The following PTRH2 variants were observed in gnomAD, a reference collection of about 807,000 sequenced individuals.
The protein encoded by PTRH2 is peptidyl-tRNA hydrolase 2, also known as peptidyl-tRNA hydrolase 2, mitochondrial.
In PTRH2, 10 loss-of-function variants were observed where a neutral mutation model predicts 12.3. That is an observed-to-expected ratio of 0.81 (90% confidence interval 0.50 to 1.38). PTRH2 has a LOEUF of 1.38. PTRH2 is among the 40% of genes most tolerant of loss of function. PTRH2 has a pLI of 0.00. For missense variants in PTRH2, 176 were observed against 214.1 expected (o/e 0.82, Z 1.11); for synonymous variants, 73 against 77.4 (o/e 0.94, Z 0.30).
At chr17:59,704,788 G>T (rs34163587) in intron 1 of PTRH2, among the ~76,000 whole-genome samples, 119 of 151,988 alleles carry the variant, frequency 7.8e-4, no homozygotes, top group Non-Finnish European at 1.2e-3. Context: ...CAAAGACAGA[G>T]AATTCTTTTT....
At chr17:59,707,266 G>A (rs1467054954) in intron 1 of PTRH2, 105 bp downstream of exon 1, 1 of 152,652 alleles carries the variant, frequency 6.6e-6, no homozygotes, top group Non-Finnish European at 1.5e-5. Context: ...AGGAGAAAAT[G>A]AAGAAGGTGG....
chr17:59,699,897 AT>A (rs1482605956), intron 1 of PTRH2: 1 of 152,544 alleles, frequency 6.6e-6, no homozygotes, highest in Non-Finnish European at 1.5e-5. Flanking sequence ...TTTTGTAGAC[AT>A]GATGGAATGT....
chr17:59,701,482 T>C (rs1334227058), intron 1 of PTRH2: 2 of 152,190 alleles, frequency 1.3e-5, no homozygotes, highest in Non-Finnish European at 2.9e-5. Context: ...GAAATAGAAG[T>C]GTGACTACTT....
At position 59,704,269 on chromosome 17, in the gene PTRH2, G is replaced by C. The variant is rs532277324; in HGVS notation, c.-1+3102C>G. On this transcript the variant is annotated intron_variant, in intron 1 of 1. Coordinates refer to ENST00000393038, the MANE Select transcript of PTRH2 (RefSeq NM_016077.5). ...AGGAAGTCTGGTGGCAAAAGAAAGG[G>C]AGAAGTTAATAATGACAGCTAGATT... is the stretch of plus-strand genomic sequence containing the variant. 7.9e-5 allele frequency among the ~76,000 whole-genome samples: 12 copies of C among 152,324 alleles called. No individual in the cohort carries two copies. In the East Asian group the frequency reaches 2.3e-3, roughly 29 times the overall value.
chr17:59,697,348 A>C lies in PTRH2; in HGVS notation c.*91T>G. On this transcript the variant is annotated 3_prime_UTR_variant, in exon 2 of 2. Coordinates refer to ENST00000393038, the MANE Select transcript of PTRH2 (RefSeq NM_016077.5). ...TTTTATTTTCATCTCAAGAACATTT[A>C]AGTTGGGTGAAGAAATTCAGCTTTT... 1 of 1,386,178 alleles carries C rather than the reference A, an allele frequency of 7.2e-7. No homozygotes were observed. The highest frequency in any genetic ancestry group is 1.4e-5 in the South Asian group (1 of 70,994). The allele number at this position is 1,386,178 out of a possible 1,614,324, so 85.9% of individuals were successfully genotyped here.
chr17:59,705,856 C>A (rs2033638429), intron 1 of PTRH2, among the ~76,000 whole-genome samples: 1 of 151,514 alleles, frequency 6.6e-6, no homozygotes, highest in Non-Finnish European at 1.5e-5. Flanking sequence ...TTGCAGTGAG[C>A]CATGATCGTG....
At chr17:59,707,121 C>T (rs1243319598) in intron 1 of PTRH2, 1 of 152,198 alleles carries the variant, frequency 6.6e-6, no homozygotes, top group Non-Finnish European at 1.5e-5. Context: ...TCGATACTGC[C>T]TGCCTGGAGG....
At chr17:59,704,970 T>G (rs566335272) in intron 1 of PTRH2, among the ~76,000 whole-genome samples, 1 of 152,238 alleles carries the variant, frequency 6.6e-6, no homozygotes, top group East Asian at 1.9e-4. Context: ...GTATTTTTAG[T>G]AGAGACGGGG....
rs952593557 is a variant in PTRH2 at position 59,697,671 on chromosome 17, T to G, written c.308A>C (p.Glu103Ala). 3.1e-6 allele frequency: 5 copies of G among 1,614,110 alleles called. No individual in the cohort carries two copies. Among genetic ancestry groups the G allele is most frequent in the Non-Finnish European group, 4.2e-6 (5 of 1,180,052 alleles). Reference protein sequence around the residue: ...AYKQIQRRNPEMLKQWEYCGQ... With the variant: ...AYKQIQRRNPAMLKQWEYCGQ... ...ACAGTATTCCCATTGTTTGAGCATTTCAGGATTTCTTCTTTGAATCTGCTT... is the reference window on the plus strand; with the variant it reads ...ACAGTATTCCCATTGTTTGAGCATTGCAGGATTTCTTCTTTGAATCTGCTT... Residue 103 changes from glutamate to alanine, a missense_variant, in exon 2 of 2, where the codon GAA (glutamate) becomes GCA (alanine). By Grantham distance (107) the Glu-to-Ala change is moderately radical (BLOSUM62 -1). Transcript: ENST00000393038.
chr17:59,697,369 C>G lies in PTRH2; in HGVS notation c.*70G>C, dbSNP rs1045009436. Reference sequence around the variant, plus strand: ...ATTTAAGTTGGGTGAAGAAATTCAGCTTTTGTTGTTAGAATCTGACAGGCT... The same window carrying G: ...ATTTAAGTTGGGTGAAGAAATTCAGGTTTTGTTGTTAGAATCTGACAGGCT... On this transcript the variant is annotated 3_prime_UTR_variant, in exon 2 of 2. Coordinates refer to ENST00000393038, the MANE Select transcript of PTRH2 (RefSeq NM_016077.5). The G allele has an allele frequency of 1.7e-5, 25 of 1,470,374 alleles. No homozygotes were observed. In the African/African-American group the frequency reaches 3.5e-4, roughly 21 times the overall value. 91.1% of individuals were successfully genotyped at this position (1,470,374 alleles called of 1,614,324 possible).
chr17:59,706,636 T>C (rs2033671344), intron 1 of PTRH2, among the ~76,000 whole-genome samples: 1 of 151,618 alleles, frequency 6.6e-6, no homozygotes, highest in Non-Finnish European at 1.5e-5. Flanking sequence ...CCTCTCTAGT[T>C]AATCTCTTTG....
intron 1 of PTRH2, chr17:59,698,698 C>T: frequency 7.0e-6 from 4 of 568,234 alleles, no homozygotes; most frequent in Non-Finnish European, 1.2e-5. Flanking sequence ...TTTAATACAC[C>T]TACAGAATAT....
intron 1 of PTRH2, chr17:59,699,114 T>C (rs4968335): frequency 0.83 from 429,415 of 517,438 alleles, 179,853 homozygotes; most frequent in East Asian, 0.96. Context: ...CTTTTCACTA[T>C]ATATTTCTCT....
chr17:59,697,858 G>A lies in PTRH2; in HGVS notation c.121C>T (p.Pro41Ser), dbSNP rs775164978. 3.1e-6 allele frequency: 5 copies of A among 1,613,998 alleles called. No homozygotes were observed. The highest frequency in any genetic ancestry group is 2.2e-5 in the South Asian group (2 of 91,088). Residue 41 changes from proline to serine, a missense_variant, in exon 2 of 2, where the codon CCC (proline) becomes TCC (serine). By Grantham distance (74) the Pro-to-Ser change is moderately conservative. Transcript: ENST00000393038. ...TGTGTCTTGCTCGTCTTGCTTTTGG[G>A]GAGCATCCCAAAGCATACTCGAAGG... ...WSLRVCFGMLPKSKTSKTHTD... is the reference protein window; with the variant it reads ...WSLRVCFGMLSKSKTSKTHTD...
rs376426220 is a variant in PTRH2, at chr17:59,697,945, C to G, written c.34G>C (p.Ala12Pro). Residue 12 changes from alanine to proline, a missense_variant, in exon 2 of 2, where the codon GCT (alanine) becomes CCT (proline). Coordinates refer to ENST00000393038, the MANE Select transcript of PTRH2 (RefSeq NM_016077.5). Reference sequence around the variant, plus strand: ...GCCAAGCCGAGTGTACTGGGATGAGCCAAATATTCCATAACCAAGGATTTG... The same window carrying G: ...GCCAAGCCGAGTGTACTGGGATGAGGCAAATATTCCATAACCAAGGATTTG... ...PSKSLVMEYL[A>P]HPSTLGLAVG... 2 of 1,613,400 alleles carry G rather than the reference C, an allele frequency of 1.2e-6. No individual in the cohort carries two copies. The highest frequency in any genetic ancestry group is 1.1e-5 in the South Asian group (1 of 91,084).
intron 1 of PTRH2, chr17:59,701,030 C>T (rs1321234686): frequency 6.6e-6 from 1 of 152,198 alleles, no homozygotes; most frequent in African/African-American, 2.4e-5. Context: ...TTGTGATTTT[C>T]TCCAGTAGTA....
At chr17:59,706,679 T>C (rs1377362606) in intron 1 of PTRH2, among the ~76,000 whole-genome samples, 2 of 151,106 alleles carry the variant, frequency 1.3e-5, no homozygotes, top group Non-Finnish European at 1.5e-5. Flanking sequence ...TTCTTTCTTT[T>C]TTTTTTTTTT....
chr17:59,699,022 C>T, intron 1 of PTRH2: 1 of 625,894 alleles, frequency 1.6e-6, no homozygotes, highest in South Asian at 1.9e-5. Flanking sequence ...GGCATTGGGA[C>T]ATCAACACTA....
intron 1 of PTRH2, among the ~76,000 whole-genome samples, chr17:59,703,399 A>G (rs560956245): frequency 6.6e-6 from 1 of 152,308 alleles, no homozygotes; most frequent in South Asian, 2.1e-4. Flanking sequence ...AAGCATCTAT[A>G]TATAATTATG....
Sources: gnomAD v4.1 joint callset for allele counts (sites outside exome capture counted in the v4.1 genomes callset) on GRCh38, gnomAD v4.1.1 for gene constraint, MANE v1.5 for transcripts, NCBI Gene and HGNC (gene_info 2026-07-23, HGNC 2026-07-21) for gene names.